THSD7B: variants seen among roughly 807,000 people sequenced by gnomAD.
THSD7B encodes thrombospondin type 1 domain containing 7B.
A neutral mutation model predicts 213.6 loss-of-function variants in THSD7B; 138 were observed. That is an observed-to-expected ratio of 0.65 (90% CI 0.56 to 0.74). The LOEUF (loss-of-function observed/expected upper bound fraction) is 0.74. THSD7B is among the 30% of genes least tolerant of loss of function. The probability of loss-of-function intolerance (pLI) is 0.00; values close to 1 mark genes in which losing one functional copy is unlikely to be tolerated. For missense variants in THSD7B, 1,931 were observed against 1,991.5 expected (o/e 0.97, Z 0.58); for synonymous variants, 742 against 687.0 (o/e 1.08, Z -1.25).
At chr2:137,036,113 G>C (rs1019397481) in intron 2 of THSD7B, among the ~76,000 whole-genome samples, 2 of 152,070 alleles carry the variant, frequency 1.3e-5, no homozygotes, top group Non-Finnish European at 2.9e-5. Flanking sequence ...TGTAATGCAG[G>C]TATTTTAAAT....
chr2:137,656,967 C>T lies in THSD7B; in HGVS notation c.4277C>T (p.Thr1426Ile), dbSNP rs546439330. The T allele has an allele frequency of 6.2e-7, 1 of 1,613,788 alleles. No individual in the cohort carries two copies. The highest frequency in any genetic ancestry group is 8.5e-7 in the Non-Finnish European group (1 of 1,179,738). The change falls in exon 23 of 28, where the codon ACA becomes ATA. Residue 1426 changes from threonine (T) to isoleucine (I), a missense_variant and splice_region_variant. By Grantham distance (89) the Thr-to-Ile change is moderately conservative (BLOSUM62 -1). Coordinates refer to ENST00000409968, the MANE Select transcript of THSD7B (RefSeq NM_001316349.2). ...PQQVLETRPCTGGKCYHYTWK... is the reference protein window; with the variant it reads ...PQQVLETRPCIGGKCYHYTWK... ...CAGGTTCTAGAAACACGCCCTTGTACAGGTACCAAGAGCACTTTTCAGTTC... is the reference window on the plus strand; with the variant it reads ...CAGGTTCTAGAAACACGCCCTTGTATAGGTACCAAGAGCACTTTTCAGTTC...
chr2:137,520,148 G>GT (rs886224164), intron 15 of THSD7B, among the ~76,000 whole-genome samples: 3 of 151,916 alleles, frequency 2.0e-5, no homozygotes, highest in East Asian at 1.9e-4. Flanking sequence ...TTCTGTTTTT[G>GT]TTTTTTTCAC....
rs187739867 is a variant in THSD7B, at chr2:136,794,446, T to C, written c.-36+28759T>C. On this transcript the variant is annotated intron_variant, in intron 1 of 27. Transcript: ENST00000409968. ...AAACATTTTGTAATTTCATTTTTTT[T>C]CCTATTTTCTTATTTAGAGGTATAT... 4.6e-3 allele frequency among the ~76,000 whole-genome samples: 697 copies of C among 151,994 alleles called. 3 individuals are homozygous for C. The highest frequency in any genetic ancestry group is 0.012 in the Admixed American group (188 of 15,240).
chr2:137,490,887 A>G (rs1688591411), intron 15 of THSD7B, among the ~76,000 whole-genome samples: 1 of 152,256 alleles, frequency 6.6e-6, no homozygotes, highest in South Asian at 2.1e-4. Flanking sequence ...AAAATAATAA[A>G]TTCAAGCATG....
At chr2:137,569,192 G>T (rs989348609) in intron 16 of THSD7B, among the ~76,000 whole-genome samples, 2 of 152,178 alleles carry the variant, frequency 1.3e-5, no homozygotes, top group Admixed American at 1.3e-4. Flanking sequence ...GAAAAGGCAA[G>T]GAAAGAGATT....
intron 14 of THSD7B, among the ~76,000 whole-genome samples, chr2:137,441,109 T>G (rs1265162997): frequency 1.3e-5 from 2 of 152,164 alleles, no homozygotes; most frequent in Admixed American, 1.3e-4. Flanking sequence ...CCTATCATGT[T>G]TCATTATATT....
At chr2:137,228,419 G>A (rs1411807296) in intron 7 of THSD7B, among the ~76,000 whole-genome samples, 1 of 152,128 alleles carries the variant, frequency 6.6e-6, no homozygotes, top group Non-Finnish European at 1.5e-5. Context: ...TGTAATGACA[G>A]GGAGGATGGT....
At chr2:137,067,623 T>G (rs1204312552) in intron 3 of THSD7B, among the ~76,000 whole-genome samples, 1 of 152,098 alleles carries the variant, frequency 6.6e-6, no homozygotes, top group African/African-American at 2.4e-5. Context: ...TAAGCCTGTT[T>G]GTTAAGACCT....
At chr2:137,395,241 A>C (rs1358456021) in intron 12 of THSD7B, among the ~76,000 whole-genome samples, 2 of 145,942 alleles carry the variant, frequency 1.4e-5, no homozygotes, top group Non-Finnish European at 3.0e-5. Context: ...GTCTTTTGCC[A>C]GTTTTCAAAG....
chr2:137,128,342 A>C (rs1456791018), intron 5 of THSD7B, among the ~76,000 whole-genome samples: 1 of 152,238 alleles, frequency 6.6e-6, no homozygotes, highest in Non-Finnish European at 1.5e-5. Context: ...TAAGACTTAA[A>C]GAAATTGTAT....
chr2:137,231,492 G>A (rs113498407), intron 8 of THSD7B, among the ~76,000 whole-genome samples: 10 of 152,178 alleles, frequency 6.6e-5, no homozygotes, highest in African/African-American at 2.4e-4. Flanking sequence ...TCAGATGGAT[G>A]TTATTTTACA....
chr2:137,233,779 T>A (rs1039522698), intron 9 of THSD7B, among the ~76,000 whole-genome samples: 2 of 151,722 alleles, frequency 1.3e-5, no homozygotes, highest in Admixed American at 1.3e-4. Flanking sequence ...GCTGTGGGAG[T>A]TTTATCACTA....
At chr2:137,547,691 A>T (rs569508096) in intron 15 of THSD7B, among the ~76,000 whole-genome samples, 4 of 151,988 alleles carry the variant, frequency 2.6e-5, no homozygotes, top group South Asian at 2.1e-4. Flanking sequence ...TCCTTTTTTT[A>T]AAATCAGACT....
intron 15 of THSD7B, among the ~76,000 whole-genome samples, chr2:137,466,648 T>C (rs963680666): frequency 1.3e-5 from 2 of 152,150 alleles, no homozygotes; most frequent in African/African-American, 4.8e-5. Context: ...TTTACCTTTT[T>C]CAAATATACA....
chr2:136,884,743 CA>C (rs1467643576), intron 2 of THSD7B, among the ~76,000 whole-genome samples: 2 of 152,172 alleles, frequency 1.3e-5, no homozygotes, highest in Admixed American at 1.3e-4. Flanking sequence ...AGGCCAACCT[CA>C]TCTTTTAATG....
intron 17 of THSD7B, among the ~76,000 whole-genome samples, chr2:137,575,230 A>G (rs1419402051): frequency 6.6e-6 from 1 of 152,078 alleles, no homozygotes; most frequent in East Asian, 1.9e-4. Context: ...AATAAATTTC[A>G]TAAGTTATTA....
chr2:137,071,824 A>T (rs1045492316), intron 3 of THSD7B, among the ~76,000 whole-genome samples: 5 of 152,174 alleles, frequency 3.3e-5, no homozygotes, highest in African/African-American at 9.7e-5. Context: ...CTTTCTACAT[A>T]TGGCTAGCCA....
intron 1 of THSD7B, among the ~76,000 whole-genome samples, chr2:136,797,544 G>C (rs1046285990): frequency 1.3e-5 from 2 of 151,958 alleles, no homozygotes; most frequent in South Asian, 2.1e-4. Flanking sequence ...CGTTGCAGAT[G>C]GGTAGGCCAT....
chr2:137,653,385 T>A (rs1260435266), intron 21 of THSD7B, among the ~76,000 whole-genome samples: 2 of 152,124 alleles, frequency 1.3e-5, no homozygotes, highest in Non-Finnish European at 2.9e-5. Flanking sequence ...AAAGTTTGAT[T>A]ATTATGCGCC....
Sources: gnomAD v4.1 joint callset for allele counts (sites outside exome capture counted in the v4.1 genomes callset) on GRCh38, gnomAD v4.1.1 for gene constraint, MANE v1.5 for transcripts, NCBI Gene and HGNC (gene_info 2026-07-23, HGNC 2026-07-21) for gene names.